Variants in NIPBL observed in about 807,000 individuals in gnomAD.
NIPBL encodes the protein NIPBL cohesin loading factor, also known as nipped-B-like protein.
A neutral mutation model predicts 321.8 loss-of-function variants in NIPBL; 19 were observed. The ratio of observed to expected loss-of-function variants is 0.06; its 90% CI spans 0.04 to 0.09. The LOEUF is 0.09. Ranked by LOEUF, NIPBL falls within the 10% of genes least tolerant of loss-of-function variation. The pLI is 1.00. For missense variants in NIPBL, 2,210 were observed against 3,327.0 expected, an observed-to-expected ratio of 0.66 and a Z score of 8.26; for synonymous variants, 1,106 against 1,114.1, an observed-to-expected ratio of 0.99 and a Z score of 0.14.
At chr5:36,940,844 A>AG (rs1197927445) in intron 1 of NIPBL, among the ~76,000 whole-genome samples, 1 of 152,210 alleles carries the variant, frequency 6.6e-6, no homozygotes, top group African/African-American at 2.4e-5. Flanking sequence ...TAACAATGCT[A>AG]GGCATATGTT....
At position 36,986,296 on chromosome 5, in the gene NIPBL, A is replaced by G. The variant is rs758273343; in HGVS notation, c.3116A>G (p.Asn1039Ser). 6.7e-7 allele frequency: 1 copy of G among 1,503,692 alleles called. No homozygotes were observed. Among genetic ancestry groups the G allele is most frequent in the Non-Finnish European group, 8.8e-7 (1 of 1,130,902 alleles). The allele number at this position is 1,503,692 out of a possible 1,614,324, so 93.1% of individuals were successfully genotyped here. Reference sequence around the variant, plus strand: ...ATCAAGAATAAACCATCAAAGTCAAATAAAGGTAAGAATACTTCTACTGAT... The same window carrying G: ...ATCAAGAATAAACCATCAAAGTCAAGTAAAGGTAAGAATACTTCTACTGAT... ...KPIKNKPSKS[N>S]KGSIDQSVLK... Residue 1039 changes from asparagine (N) to serine (S), a missense_variant, in exon 10 of 47, where the codon AAT becomes AGT. By Grantham distance (46) the Asn-to-Ser change is conservative. This residue lies in a region of NIPBL where 381 missense variants were observed against 642.3 expected (regional missense o/e 0.59). Transcript: ENST00000282516.
chr5:36,962,774 G>A (rs1741776485), intron 6 of NIPBL, among the ~76,000 whole-genome samples: 2 of 152,076 alleles, frequency 1.3e-5, no homozygotes, highest in South Asian at 4.1e-4. Context: ...ATATAGTATA[G>A]CAACTGTTTA....
chr5:36,894,424 T>C (rs771193999), intron 1 of NIPBL, among the ~76,000 whole-genome samples: 1 of 152,210 alleles, frequency 6.6e-6, no homozygotes, highest in Non-Finnish European at 1.5e-5. Context: ...TGTACTATAC[T>C]ATACTGTCAT....
intron 14 of NIPBL, among the ~76,000 whole-genome samples, chr5:37,001,569 A>G (rs573191929): frequency 1.1e-4 from 17 of 152,272 alleles, no homozygotes; most frequent in African/African-American, 4.1e-4. Flanking sequence ...ATAAGCATCT[A>G]TTCTTCTGTT....
chr5:37,060,091 AT>A (rs1754510370), intron 44 of NIPBL, among the ~76,000 whole-genome samples: 1 of 152,204 alleles, frequency 6.6e-6, no homozygotes, highest in African/African-American at 2.4e-5. Flanking sequence ...TCAAGTTTCC[AT>A]AAGCTTGTTG....
chr5:36,971,588 A>T (rs1275858547), intron 7 of NIPBL, among the ~76,000 whole-genome samples: 1 of 152,116 alleles, frequency 6.6e-6, no homozygotes, highest in East Asian at 1.9e-4. Context: ...ATTGTAATTT[A>T]TGTAAGCTGC....
At chr5:37,049,449 C>A in intron 40 of NIPBL, 148 bp downstream of exon 40, 1 of 875,378 alleles carries the variant, frequency 1.1e-6, no homozygotes, top group Non-Finnish European at 1.9e-6. Context: ...TTTAGATAAT[C>A]TCTTGGGTTA....
At chr5:36,908,528 T>G (rs1199127261) in intron 1 of NIPBL, among the ~76,000 whole-genome samples, 1 of 152,190 alleles carries the variant, frequency 6.6e-6, no homozygotes, top group African/African-American at 2.4e-5. Context: ...GTACAATTAT[T>G]ATCTAGTTAT....
At chr5:36,930,906 T>C (rs940873856) in intron 1 of NIPBL, among the ~76,000 whole-genome samples, 5 of 152,174 alleles carry the variant, frequency 3.3e-5, no homozygotes, top group African/African-American at 9.6e-5. Context: ...TCATAATGTG[T>C]AGTCATTTTT....
chr5:36,941,413 T>G (rs1739044863), intron 1 of NIPBL, among the ~76,000 whole-genome samples: 1 of 151,938 alleles, frequency 6.6e-6, no homozygotes. Context: ...CCTAATTATC[T>G]TCTTTAGGTA....
intron 1 of NIPBL, among the ~76,000 whole-genome samples, chr5:36,918,466 G>T (rs1458433460): frequency 1.3e-5 from 2 of 152,124 alleles, no homozygotes; most frequent in Non-Finnish European, 2.9e-5. Context: ...CATGTCATCT[G>T]CAAACAGGGA....
intron 1 of NIPBL, among the ~76,000 whole-genome samples, chr5:36,914,056 TAC>T (rs2149549216): frequency 6.6e-6 from 1 of 152,328 alleles, no homozygotes; most frequent in East Asian, 1.9e-4. Context: ...TGTATATCTG[TAC>T]ACCTGGAACA....
intron 8 of NIPBL, among the ~76,000 whole-genome samples, chr5:36,972,827 ATC>A (rs1297125077): frequency 1.3e-5 from 2 of 152,080 alleles, no homozygotes; most frequent in African/African-American, 4.8e-5. Flanking sequence ...TAATTTTTAA[ATC>A]TCTCACGTCT....
rs1438822279 is a variant in NIPBL at position 36,976,120 on chromosome 5, A to G, written c.1213A>G (p.Ile405Val). Residue 405 changes from isoleucine (I) to valine (V), a missense_variant, in exon 9 of 47, where the codon ATT becomes GTT. Coordinates refer to ENST00000282516, the MANE Select transcript of NIPBL (RefSeq NM_133433.4). ...QYPGQTSKTP[I>V]TPQDINRPLN... ...CCCAGGACAGACTTCAAAAACACCC[A>G]TTACTCCACAAGATATAAACCGCCC... 2.5e-6 allele frequency: 4 copies of G among 1,613,986 alleles called. No individual in the cohort carries two copies. Among genetic ancestry groups the G allele is most frequent in the African/African-American group, 2.7e-5 (2 of 75,030 alleles).
chr5:36,881,461 C>T (rs984917682), intron 1 of NIPBL, among the ~76,000 whole-genome samples: 2 of 151,752 alleles, frequency 1.3e-5, no homozygotes, highest in African/African-American at 4.8e-5. Context: ...ACTTATTTGC[C>T]AGGAGTTAAG....
intron 1 of NIPBL, among the ~76,000 whole-genome samples, chr5:36,931,785 GTT>G (rs70976266): frequency 0.49 from 67,425 of 138,530 alleles, 16,131 homozygotes; most frequent in African/African-American, 0.57. Context: ...TATGTCTCTG[GTT>G]TTTTTTTTTT....
chr5:36,959,184 G>C (rs183468198), intron 4 of NIPBL, among the ~76,000 whole-genome samples: 28 of 152,268 alleles, frequency 1.8e-4, no homozygotes, highest in African/African-American at 6.5e-4. Flanking sequence ...TCCAGCCTGG[G>C]CGACAGAGCG....
In NIPBL at chr5:36,899,554, G is replaced by T. The variant is rs1166185765; in HGVS notation, c.-80+22376G>T. Among the ~76,000 whole-genome samples the T allele has an allele frequency of 3.9e-5, 6 of 152,288 alleles. No individual in the cohort carries two copies. In the East Asian group the frequency reaches 1.2e-3, roughly 29 times the overall value. ...AAGGAAATTCAGCTTAAAGCATTCAGAACTTTGGCTGTTGTGCCCTTTCAA... is the reference window on the plus strand; with the variant it reads ...AAGGAAATTCAGCTTAAAGCATTCATAACTTTGGCTGTTGTGCCCTTTCAA... On this transcript the variant is annotated intron_variant, in intron 1 of 46. Transcript: ENST00000282516.
intron 1 of NIPBL, among the ~76,000 whole-genome samples, 168 bp downstream of exon 1, chr5:36,877,346 G>A (rs1425195068): frequency 6.6e-6 from 1 of 152,186 alleles, no homozygotes; most frequent in Non-Finnish European, 1.5e-5. Flanking sequence ...CTTGGGTAGC[G>A]GTGGTTTTGT....
Sources: allele counts gnomAD v4.1 joint callset (sites outside exome capture counted in the v4.1 genomes callset), GRCh38; gene constraint gnomAD v4.1.1; regional missense constraint gnomAD v4.1.1; transcripts MANE v1.5; gene names NCBI Gene and HGNC (gene_info 2026-07-23, HGNC 2026-07-21).